LRRC7: variants seen among roughly 807,000 people sequenced by gnomAD.
The protein encoded by LRRC7 is leucine rich repeat containing 7, also known as leucine-rich repeat-containing protein 7.
Under a neutral mutation model 175.7 loss-of-function variants are expected in LRRC7, and 23 were observed. The observed-to-expected ratio is 0.13, with a 90% CI of 0.09 to 0.19. The LOEUF is 0.19. LRRC7 is among the 10% of genes least tolerant of loss of function. The probability of loss-of-function intolerance (pLI) is 1.00; values close to 1 mark genes in which losing one functional copy is unlikely to be tolerated. For synonymous variants in LRRC7, 685 were observed against 680.9 expected, an observed-to-expected ratio of 1.01 and a Z score of -0.09; for missense variants, 1,354 against 1,904.7, an observed-to-expected ratio of 0.71 and a Z score of 5.38.
chr1:69,857,999 A>C (rs1683897705), intron 7 of LRRC7, among the ~76,000 whole-genome samples: 1 of 152,174 alleles, frequency 6.6e-6, no homozygotes, highest in Non-Finnish European at 1.5e-5. Context: ...TGAGAAAAAC[A>C]AGAAATGGGG....
At chr1:69,687,520 C>CAAAAAAAAAAAA (rs551726376) in intron 2 of LRRC7, among the ~76,000 whole-genome samples, 93 of 96,672 alleles carry the variant, frequency 9.6e-4, no homozygotes, top group East Asian at 1.2e-3. Context: ...AAGAAAAAAC[C>CAAAAAAAAAAAA]AAAAAAAAAA....
intron 8 of LRRC7, among the ~76,000 whole-genome samples, chr1:69,943,373 T>C (rs1421228730): frequency 6.6e-6 from 1 of 152,116 alleles, no homozygotes; most frequent in Non-Finnish European, 1.5e-5. Context: ...ATGTGTTATA[T>C]GATTTTACTT....
At chr1:69,857,215 C>G (rs9661777) in intron 7 of LRRC7, among the ~76,000 whole-genome samples, 11,105 of 152,004 alleles carry the variant, frequency 0.073, 845 homozygotes, top group African/African-American at 0.19. Flanking sequence ...AGACAGGGAT[C>G]CCCTCTCTCA....
chr1:70,010,383 T>G (rs948069410), intron 11 of LRRC7, among the ~76,000 whole-genome samples: 1 of 152,126 alleles, frequency 6.6e-6, no homozygotes, highest in African/African-American at 2.4e-5. Context: ...CTGGCCAACA[T>G]GGCAAAACCC....
chr1:69,666,065 G>A (rs1658224386), intron 1 of LRRC7, among the ~76,000 whole-genome samples: 1 of 151,956 alleles, frequency 6.6e-6, no homozygotes, highest in African/African-American at 2.4e-5. Flanking sequence ...TGCTTCTTTA[G>A]CATCAATTGA....
intron 8 of LRRC7, among the ~76,000 whole-genome samples, chr1:69,969,556 G>GGCCTT (rs1652013823): frequency 6.6e-6 from 1 of 152,108 alleles, no homozygotes; most frequent in Middle Eastern, 3.4e-3. Flanking sequence ...AACGATAAAA[G>GGCCTT]GCCTTGTCCA....
intron 23 of LRRC7, among the ~76,000 whole-genome samples, chr1:70,070,118 C>T (rs1662269993): frequency 6.6e-6 from 1 of 152,018 alleles, no homozygotes; most frequent in Non-Finnish European, 1.5e-5. Flanking sequence ...CTCAGCCTCC[C>T]GAGTAACTGG....
At chr1:69,630,391 T>C (rs1258443924) in intron 1 of LRRC7, among the ~76,000 whole-genome samples, 1 of 152,108 alleles carries the variant, frequency 6.6e-6, no homozygotes, top group Non-Finnish European at 1.5e-5. Flanking sequence ...AGGTTGAGAG[T>C]TAAGTGTTTA....
chr1:69,882,732 T>A (rs1686755047), intron 7 of LRRC7, among the ~76,000 whole-genome samples: 2 of 150,880 alleles, frequency 1.3e-5, no homozygotes, highest in Admixed American at 1.3e-4. Flanking sequence ...TCATCTAGCA[T>A]TAGGTATATC....
intron 4 of LRRC7, among the ~76,000 whole-genome samples, chr1:69,822,239 G>A (rs960737882): frequency 2.0e-5 from 3 of 152,108 alleles, no homozygotes; most frequent in African/African-American, 7.2e-5. Context: ...TAAAGTTTGT[G>A]TTCCTTCTCC....
At chr1:69,828,215 T>C (rs1680146919) in intron 5 of LRRC7, among the ~76,000 whole-genome samples, 1 of 152,144 alleles carries the variant, frequency 6.6e-6, no homozygotes, top group Non-Finnish European at 1.5e-5. Context: ...TTTTGGCTAT[T>C]ATGAGTAAAG....
At chr1:69,820,456 T>A (rs900998093) in intron 4 of LRRC7, among the ~76,000 whole-genome samples, 4 of 152,122 alleles carry the variant, frequency 2.6e-5, no homozygotes, top group Non-Finnish European at 4.4e-5. Context: ...GCCATGGTGG[T>A]TTGCTGCACC....
At chr1:69,939,830 C>A (rs2101796009) in intron 8 of LRRC7, among the ~76,000 whole-genome samples, 1 of 152,054 alleles carries the variant, frequency 6.6e-6, no homozygotes, top group Admixed American at 6.6e-5. Flanking sequence ...CAGAATCATG[C>A]CTATATAAAT....
At chr1:70,057,823 G>A (rs1053535154) in intron 23 of LRRC7, among the ~76,000 whole-genome samples, 2 of 152,094 alleles carry the variant, frequency 1.3e-5, no homozygotes, top group Non-Finnish European at 2.9e-5. Flanking sequence ...GACACATAAA[G>A]TAATTGGACA....
intron 7 of LRRC7, among the ~76,000 whole-genome samples, chr1:69,856,173 G>A (rs1284398597): frequency 2.6e-5 from 4 of 152,156 alleles, no homozygotes; most frequent in Non-Finnish European, 4.4e-5. Flanking sequence ...TCATTATGAT[G>A]TTAGCTGGTT....
intron 1 of LRRC7, among the ~76,000 whole-genome samples, chr1:69,641,247 A>T (rs1654159465): frequency 6.6e-6 from 1 of 151,650 alleles, no homozygotes; most frequent in Non-Finnish European, 1.5e-5. Flanking sequence ...TACATTTCAT[A>T]TATTTATTCA....
chr1:69,716,027 A>C, intron 2 of LRRC7: 2 of 383,432 alleles, frequency 5.2e-6, no homozygotes, highest in Non-Finnish European at 9.6e-6. Context: ...CAATTAGGGA[A>C]GCATCTGATT....
At chr1:69,712,946 T>C (rs761926837) in intron 2 of LRRC7, among the ~76,000 whole-genome samples, 12 of 152,132 alleles carry the variant, frequency 7.9e-5, no homozygotes, top group Non-Finnish European at 1.5e-4. Context: ...GATCTGTTGT[T>C]CTAAATTTAG....
intron 2 of LRRC7, among the ~76,000 whole-genome samples, chr1:69,756,893 T>C (rs1357481980): frequency 6.6e-6 from 1 of 151,944 alleles, no homozygotes; most frequent in African/African-American, 2.4e-5. Flanking sequence ...CAAAAAGATA[T>C]GTTATTCCTA....
Sources: gnomAD v4.1 joint callset for allele counts (sites outside exome capture counted in the v4.1 genomes callset) on GRCh38, gnomAD v4.1.1 for gene constraint, MANE v1.5 for transcripts, NCBI Gene and HGNC (gene_info 2026-07-23, HGNC 2026-07-21) for gene names.